IQGAP1: variants seen among roughly 807,000 people sequenced by gnomAD.
The protein encoded by IQGAP1 is ras GTPase-activating-like protein IQGAP1.
IQGAP1 carries 66 observed loss-of-function variants against 215.6 expected under a neutral mutation model. The ratio of observed to expected loss-of-function variants is 0.31; its 90% CI spans 0.25 to 0.38. The LOEUF (loss-of-function observed/expected upper bound fraction) is 0.38, where lower values mean the gene tolerates loss of function less well. Among genes scored for constraint, IQGAP1 ranks in the 10% least tolerant of loss-of-function variants. The pLI, the probability that IQGAP1 is intolerant of heterozygous loss-of-function variation, is 1.00. For synonymous variants in IQGAP1, 772 were observed against 728.7 expected (o/e 1.06, Z -0.96); for missense variants, 1,712 against 1,997.1 (o/e 0.86, Z 2.72).
chr15:90,487,071 C>T lies in IQGAP1; in HGVS notation c.4142C>T (p.Ala1381Val), dbSNP rs199566192. The T allele has an allele frequency of 4.3e-6, 7 of 1,614,034 alleles. No homozygotes were observed. In the East Asian group the frequency reaches 6.7e-5, roughly 15 times the overall value. Residue 1381 changes from alanine to valine, a missense_variant, in exon 32 of 38, where the codon GCT becomes GTT. Physicochemically the swap from Ala to Val is moderately conservative, Grantham distance 64. This residue lies in a region of IQGAP1 where 691 missense variants were observed against 923.0 expected (regional missense o/e 0.75). Coordinates refer to ENST00000268182, the MANE Select transcript of IQGAP1 (RefSeq NM_003870.4). ...VPGDENAEMDARTILLNTKRL... is the reference protein window; with the variant it reads ...VPGDENAEMDVRTILLNTKRL... ...GGAGATGAGAATGCAGAAATGGATGCTCGAACCATCTTACTGAAGTGAGTA... is the reference window on the plus strand; with the variant it reads ...GGAGATGAGAATGCAGAAATGGATGTTCGAACCATCTTACTGAAGTGAGTA...
chr15:90,430,174 T>C (rs911809398), intron 4 of IQGAP1, among the ~76,000 whole-genome samples: 3 of 152,126 alleles, frequency 2.0e-5, no homozygotes, highest in Admixed American at 6.6e-5. Flanking sequence ...TTGTTTGGAG[T>C]GTACATCTTC....
At chr15:90,401,364 G>A (rs1268758339) in intron 2 of IQGAP1, among the ~76,000 whole-genome samples, 2 of 152,150 alleles carry the variant, frequency 1.3e-5, no homozygotes, top group Non-Finnish European at 2.9e-5. Context: ...ATGTTGGGAA[G>A]AATTAGTTAT....
intron 18 of IQGAP1, among the ~76,000 whole-genome samples, chr15:90,468,550 G>C (rs1015919802): frequency 1.3e-5 from 2 of 152,080 alleles, no homozygotes; most frequent in African/African-American, 2.4e-5. Flanking sequence ...AAAAATTCAG[G>C]CTGGGCATGG....
intron 22 of IQGAP1, 97 bp from the exon 23 acceptor site, chr15:90,474,388 A>G: frequency 5.0e-6 from 5 of 994,420 alleles, no homozygotes; most frequent in East Asian, 2.4e-5. Context: ...TCAAAATTAA[A>G]TGTTTATGAA....
Position 90,443,425 on chromosome 15 carries a change from A to T in IQGAP1, c.860A>T (p.Tyr287Phe). The T allele has an allele frequency of 6.2e-7, 1 of 1,613,492 alleles. No homozygotes were observed. Among genetic ancestry groups the T allele is most frequent in the South Asian group, 1.1e-5 (1 of 91,042 alleles). Reference protein sequence around the residue: ...TENSERERDVYEELLTQAEIQ... With the variant: ...TENSERERDVFEELLTQAEIQ... ...AACTCAGAGAGAGAAAGAGATGTTT[A>T]TGAGGAGCTGCTCACGCAAGCTGAA... The change falls in exon 9 of 38, where the codon TAT (tyrosine) becomes TTT (phenylalanine). Residue 287 changes from tyrosine (Y) to phenylalanine (F), a missense_variant. Physicochemically the swap from Tyr to Phe is conservative, Grantham distance 22. This residue lies in a region of IQGAP1 where 1,021 missense variants were observed against 1,074.2 expected (regional missense o/e 0.95). Coordinates refer to ENST00000268182, the MANE Select transcript of IQGAP1 (RefSeq NM_003870.4).
chr15:90,429,578 T>C lies in IQGAP1; in HGVS notation c.313-11T>C. 6.4e-7 allele frequency: 1 copy of C among 1,574,728 alleles called. No individual in the cohort carries two copies. Among genetic ancestry groups the C allele is most frequent in the South Asian group, 1.2e-5 (1 of 83,996 alleles). ...CAGCCAATAATACCTAATTTTCTTT[T>C]TTTTTTCTAGGCGACTGGCCTCCAC... On this transcript the variant is annotated splice_polypyrimidine_tract_variant and intron_variant, in intron 3 of 37. Coordinates refer to ENST00000268182, the MANE Select transcript of IQGAP1 (RefSeq NM_003870.4).
intron 2 of IQGAP1, among the ~76,000 whole-genome samples, chr15:90,419,091 G>A (rs1386654335): frequency 1.3e-5 from 2 of 151,050 alleles, no homozygotes; most frequent in African/African-American, 2.4e-5. Context: ...GAAAGTCAAG[G>A]CTGCAGTGAG....
chr15:90,433,444 T>A (rs1472455901), intron 4 of IQGAP1, among the ~76,000 whole-genome samples: 1 of 152,184 alleles, frequency 6.6e-6, no homozygotes, highest in Non-Finnish European at 1.5e-5. Flanking sequence ...TAAATCACCT[T>A]CTCACACCTA....
In IQGAP1 at chr15:90,474,664, C is replaced by T. The variant is rs1375466841; in HGVS notation, c.2755C>T (p.Leu919=). The T allele has an allele frequency of 1.9e-6, 3 of 1,613,812 alleles. No individual in the cohort carries two copies. Among genetic ancestry groups the T allele is most frequent in the Non-Finnish European group, 1.7e-6 (2 of 1,179,820 alleles). ...CAATCTCATGGATATCAAAATTGGA[C>T]TGCTAGTGAAAAATAAGATTACGTT... ...DLNLMDIKIG[L]LVKNKITLQD... Residue 919 remains leucine (L), a synonymous_variant, in exon 23 of 38, where the codon CTG becomes TTG. Coordinates refer to ENST00000268182, the MANE Select transcript of IQGAP1 (RefSeq NM_003870.4).
intron 6 of IQGAP1, among the ~76,000 whole-genome samples, chr15:90,439,688 A>T (rs1033534103): frequency 6.6e-6 from 1 of 152,246 alleles, no homozygotes. Context: ...TTAACACATA[A>T]CACTAAATGT....
At chr15:90,430,085 G>A (rs1965281395) in intron 4 of IQGAP1, among the ~76,000 whole-genome samples, 3 of 152,104 alleles carry the variant, frequency 2.0e-5, no homozygotes. Flanking sequence ...GAGTATGAAG[G>A]GTCATTTTTT....
intron 23 of IQGAP1, 103 bp from the exon 24 acceptor site, chr15:90,476,560 G>T: frequency 1.2e-6 from 1 of 801,006 alleles, no homozygotes; most frequent in Non-Finnish European, 2.0e-6. Flanking sequence ...TGCCAGTGCA[G>T]TACACCTTCA....
chr15:90,459,748 A>AT (rs1171469379), intron 15 of IQGAP1, among the ~76,000 whole-genome samples: 1 of 152,180 alleles, frequency 6.6e-6, no homozygotes, highest in Non-Finnish European at 1.5e-5. Context: ...TCACCTGAGC[A>AT]TCTAAGTCTC....
In IQGAP1 at chr15:90,491,388, C is replaced by T; in HGVS notation, c.4304C>T (p.Pro1435Leu). The change falls in exon 34 of 38, where the codon CCT becomes CTT. Residue 1435 changes from proline (P) to leucine (L), a missense_variant. By Grantham distance (98) the Pro-to-Leu change is moderately conservative (BLOSUM62 -3). Transcript: ENST00000268182. ...CGTGCTATCCGTGATGCCAAAACAC[C>T]TGACAAGATGAAAAAGTCAAAATCT... ...QRRAIRDAKT[P>L]DKMKKSKSVK... is the part of the protein sequence containing the mutation. 1 of 1,614,096 alleles carries T rather than the reference C, an allele frequency of 6.2e-7. No individual in the cohort carries two copies. The highest frequency in any genetic ancestry group is 8.5e-7 in the Non-Finnish European group (1 of 1,180,022).
intron 2 of IQGAP1, among the ~76,000 whole-genome samples, chr15:90,395,345 G>A (rs373934598): frequency 6.6e-6 from 1 of 151,656 alleles, no homozygotes; most frequent in Non-Finnish European, 1.5e-5. Context: ...TTTTGAAACG[G>A]AGTCTCGCTC....
intron 17 of IQGAP1, among the ~76,000 whole-genome samples, chr15:90,466,998 C>T (rs901453828): frequency 4.0e-5 from 6 of 151,864 alleles, no homozygotes; most frequent in African/African-American, 7.3e-5. Flanking sequence ...AGGCTGGGGC[C>T]GGAGAATCGC....
rs539625047 is a variant in IQGAP1 at position 90,426,008 on chromosome 15, A to G, written c.156-102A>G. On this transcript the variant is annotated intron_variant, in intron 2 of 37. Transcript: ENST00000268182. ...ATTGTAAAAGAGTGCTATTATGTTC[A>G]GTTTAAGCTTCTCCAAGGAGAATGG... The G allele has an allele frequency of 7.4e-6, 8 of 1,086,908 alleles. No homozygotes were observed. The African/African-American group carries it at 1.3e-4, about 18-fold the overall frequency. The allele number at this position is 1,086,908 out of a possible 1,614,324, so 67.3% of individuals were successfully genotyped here.
At chr15:90,422,669 T>C (rs1469512208) in intron 2 of IQGAP1, among the ~76,000 whole-genome samples, 2 of 130,208 alleles carry the variant, frequency 1.5e-5, no homozygotes, top group African/African-American at 5.8e-5. Flanking sequence ...TGTATATATA[T>C]ATATATATAT....
chr15:90,417,821 G>C (rs540059742), intron 2 of IQGAP1, among the ~76,000 whole-genome samples: 13 of 152,224 alleles, frequency 8.5e-5, no homozygotes, highest in African/African-American at 3.1e-4. Flanking sequence ...CCATTTTCAC[G>C]ATATTGATTC....
Sources: gnomAD v4.1 joint callset for allele counts (sites outside exome capture counted in the v4.1 genomes callset) on GRCh38, gnomAD v4.1.1 for gene constraint, gnomAD v4.1.1 regional missense constraint, MANE v1.5 for transcripts, NCBI Gene and HGNC (gene_info 2026-07-23, HGNC 2026-07-21) for gene names.